PCDHGA5: variants seen among roughly 807,000 people sequenced by gnomAD.
The protein encoded by PCDHGA5 is protocadherin gamma-A5.
A neutral mutation model predicts 56.7 loss-of-function variants in PCDHGA5; 36 were observed. The ratio of observed to expected loss-of-function variants is 0.64; its 90% CI spans 0.49 to 0.84. The LOEUF is 0.84. PCDHGA5 is among the 40% of genes least tolerant of loss of function. The probability of loss-of-function intolerance (pLI) is 0.00; values close to 1 mark genes in which losing one functional copy is unlikely to be tolerated. For missense variants in PCDHGA5, 1,305 were observed against 1,201.5 expected, an observed-to-expected ratio of 1.09 and a Z score of -1.27; for synonymous variants, 563 against 520.2, an observed-to-expected ratio of 1.08 and a Z score of -1.12.
chr5:141,405,376 G>A lies in PCDHGA5; in HGVS notation c.2421+38625G>A, dbSNP rs567557596. On this transcript the variant is annotated intron_variant, in intron 1 of 3. Coordinates refer to ENST00000518069, the MANE Select transcript of PCDHGA5 (RefSeq NM_018918.3). The stretch of plus-strand genomic sequence containing the variant: ...CTATAGAAGACACCCCTTTGGTTCC[G>A]GTGAGTTCATTTTTTTTCTTTCTTT... The A allele has an allele frequency of 4.3e-4, 696 of 1,602,156 alleles. 3 individuals carry two copies. In the South Asian group the frequency reaches 6.8e-3, roughly 16 times the overall value.
In PCDHGA5 at chr5:141,487,934, C is replaced by T; in HGVS notation, c.2422-6873C>T. 4.9e-6 allele frequency: 3 copies of T among 607,674 alleles called. No homozygotes were observed. The highest frequency in any genetic ancestry group is 2.1e-5 in the South Asian group (1 of 48,014). 37.6% of individuals were successfully genotyped at this position (607,674 alleles called of 1,614,324 possible). Reference sequence around the variant, plus strand: ...ACAGGAGGCTACAGTGCACAGGGTACAGTGCACCAGGCAGTCACTTGGACA... The same window carrying T: ...ACAGGAGGCTACAGTGCACAGGGTATAGTGCACCAGGCAGTCACTTGGACA... On this transcript the variant is annotated intron_variant, in intron 1 of 3. Transcript: ENST00000518069. This position sits in a 1 kb window ranked among gnomAD's most constrained non-coding sequence, Gnocchi z 5.0.
At chr5:141,438,957 CACCCTGCCA>C (rs1022731551) in intron 1 of PCDHGA5, among the ~76,000 whole-genome samples, 2 of 152,144 alleles carry the variant, frequency 1.3e-5, no homozygotes, top group East Asian at 3.9e-4. Flanking sequence ...TGAGCCACCG[CACCCTGCCA>C]ACTGTCTGAC....
chr5:141,423,628 A>G (rs1272272666), intron 1 of PCDHGA5: 2 of 1,604,848 alleles, frequency 1.2e-6, no homozygotes, highest in African/African-American at 1.3e-5. Context: ...CTCAGCTATC[A>G]TTTTAGGCAA....
At position 141,365,079 on chromosome 5, in the gene PCDHGA5, G is replaced by A. The variant is rs748153099; in HGVS notation, c.749G>A (p.Ser250Asn). 1.9e-5 allele frequency: 31 copies of A among 1,613,864 alleles called. No homozygotes were observed. The South Asian group carries it at 3.4e-4, about 18-fold the overall frequency. The change falls in exon 1 of 4, where the codon AGT (serine) becomes AAT (asparagine). Residue 250 changes from serine to asparagine, a missense_variant. Physicochemically the swap from Ser to Asn is conservative, Grantham distance 46 (BLOSUM62 1). Coordinates refer to ENST00000518069, the MANE Select transcript of PCDHGA5 (RefSeq NM_018918.3). ...TTCACCCCATCCGAGTACAGCGTGAGTGTTCCAGAGAACATACCTGTGGGC... is the reference window on the plus strand; with the variant it reads ...TTCACCCCATCCGAGTACAGCGTGAATGTTCCAGAGAACATACCTGTGGGC... Reference protein sequence around the residue: ...PLFTPSEYSVSVPENIPVGTR... With the variant: ...PLFTPSEYSVNVPENIPVGTR...
intron 1 of PCDHGA5, chr5:141,433,097 G>C: frequency 6.2e-7 from 1 of 1,614,162 alleles, no homozygotes; most frequent in Non-Finnish European, 8.5e-7. Context: ...AGACATGCTC[G>C]TCAGCCAGGA....
At chr5:141,434,713 T>C (rs1377558306) in intron 1 of PCDHGA5, among the ~76,000 whole-genome samples, 1 of 152,088 alleles carries the variant, frequency 6.6e-6, no homozygotes, top group Non-Finnish European at 1.5e-5. Flanking sequence ...GGTAAATCTC[T>C]GTTCAGGGCT....
intron 1 of PCDHGA5, chr5:141,418,120 G>A: frequency 6.2e-7 from 1 of 1,614,084 alleles, no homozygotes; most frequent in Non-Finnish European, 8.5e-7. Context: ...TACTTGTGAA[G>A]GACCGAATAG....
chr5:141,382,893 G>A (rs1778536520), intron 1 of PCDHGA5: 1 of 1,534,786 alleles, frequency 6.5e-7, no homozygotes, highest in African/African-American at 1.4e-5. Flanking sequence ...AGAGAAGCAG[G>A]ACGACTATGG....
At position 141,375,276 on chromosome 5, in the gene PCDHGA5, T is replaced by C. The variant is rs763492378; in HGVS notation, c.2421+8525T>C. On this transcript the variant is annotated intron_variant, in intron 1 of 3. Transcript: ENST00000518069. The stretch of plus-strand genomic sequence containing the variant: ...CTCCCATTTGAATTGGAAAAATCAG[T>C]TGGCAATTATTATCGATTAGTGACA... 10 of 1,613,700 alleles carry C rather than the reference T, an allele frequency of 6.2e-6. No homozygotes were observed. The Admixed American group carries it at 1.3e-4, about 22-fold the overall frequency.
chr5:141,433,029 T>C (rs2097561523), intron 1 of PCDHGA5: 2 of 1,613,998 alleles, frequency 1.2e-6, no homozygotes, highest in African/African-American at 2.7e-5. Flanking sequence ...TCCCACGAGG[T>C]TTCCCTCACC....
intron 1 of PCDHGA5, chr5:141,414,557 A>C: frequency 6.2e-7 from 1 of 1,613,906 alleles, no homozygotes. Flanking sequence ...CAAGTCTCCT[A>C]CTTTACCTAT....
chr5:141,399,497 TACCCGAAAACA>T, intron 1 of PCDHGA5: 2 of 1,614,030 alleles, frequency 1.2e-6, no homozygotes, highest in Non-Finnish European at 1.7e-6. Flanking sequence ...TTAGTCAGTG[TACCCGAAAACA>T]ACCCTCCTGG....
At chr5:141,463,176 C>T (rs989201395) in intron 1 of PCDHGA5, among the ~76,000 whole-genome samples, 2 of 152,100 alleles carry the variant, frequency 1.3e-5, no homozygotes, top group African/African-American at 4.8e-5. Context: ...TATGTATGCT[C>T]AGATTATTAT....
chr5:141,384,366 T>A (rs573164893), intron 1 of PCDHGA5: 1 of 1,613,896 alleles, frequency 6.2e-7, no homozygotes, highest in Non-Finnish European at 8.5e-7. Context: ...AGATCACTTA[T>A]TCCTTGGCCG....
At chr5:141,368,486 A>G (rs1329429156) in intron 1 of PCDHGA5, among the ~76,000 whole-genome samples, 1 of 152,214 alleles carries the variant, frequency 6.6e-6, no homozygotes, top group African/African-American at 2.4e-5. Context: ...TAACAAGAGA[A>G]TCTATACAGT....
rs745457172 is a variant in PCDHGA5 at position 141,490,744 on chromosome 5, C to T, written c.2422-4063C>T. The stretch of plus-strand genomic sequence containing the variant: ...TGTAGGAAATCAGGTTCAGGGAGCC[C>T]CAGCCTCCTCCTTTGTGTATGTCAA... On this transcript the variant is annotated intron_variant, in intron 1 of 3. Coordinates refer to ENST00000518069, the MANE Select transcript of PCDHGA5 (RefSeq NM_018918.3). The surrounding 1 kb of genome is among the most constrained non-coding windows in gnomAD (Gnocchi z 5.4). 1 of 1,614,142 alleles carries T rather than the reference C, an allele frequency of 6.2e-7. No homozygotes were observed. Among genetic ancestry groups the T allele is most frequent in the Non-Finnish European group, 8.5e-7 (1 of 1,180,006 alleles).
At chr5:141,462,217 C>T (rs1469685983) in intron 1 of PCDHGA5, among the ~76,000 whole-genome samples, 1 of 152,216 alleles carries the variant, frequency 6.6e-6, no homozygotes, top group South Asian at 2.1e-4. Flanking sequence ...GCCTCGGCCT[C>T]CCAAAGTGCA....
intron 1 of PCDHGA5, chr5:141,392,660 C>A: frequency 1.3e-6 from 1 of 797,246 alleles, no homozygotes; most frequent in Non-Finnish European, 1.9e-6. Flanking sequence ...GCAGATGCCA[C>A]AAACTAACTG....
At chr5:141,375,833 C>T (rs1269856662) in intron 1 of PCDHGA5, 2 of 1,614,034 alleles carry the variant, frequency 1.2e-6, no homozygotes, top group Non-Finnish European at 1.7e-6. Flanking sequence ...CTCCGCAGAG[C>T]CCGGCTACCT....
Sources: gnomAD v4.1 joint callset for allele counts (sites outside exome capture counted in the v4.1 genomes callset) on GRCh38, gnomAD v4.1.1 for gene constraint, Gnocchi (gnomAD v3.1) non-coding constraint, MANE v1.5 for transcripts, NCBI Gene and HGNC (gene_info 2026-07-23, HGNC 2026-07-21) for gene names.